The following PPFIBP1 variants were observed in gnomAD, a reference collection of about 807,000 sequenced individuals.
The protein encoded by PPFIBP1 is PPFIB scaffold protein 1.
PPFIBP1 carries 112 observed loss-of-function variants against 137.8 expected under a neutral mutation model. The ratio of observed to expected loss-of-function variants is 0.81; its 90% confidence interval spans 0.70 to 0.95. PPFIBP1 has a LOEUF of 0.95. Ranked by LOEUF, PPFIBP1 falls within the 40% of genes least tolerant of loss-of-function variation. The pLI is 0.00. For synonymous variants in PPFIBP1, 378 were observed against 417.3 expected (o/e 0.91, Z 1.15); for missense variants, 1,083 against 1,196.6 (o/e 0.91, Z 1.40).
At chr12:27,581,140 T>C (rs2061723) in intron 2 of PPFIBP1, among the ~76,000 whole-genome samples, 118,835 of 152,034 alleles carry the variant, frequency 0.78, 46,968 homozygotes, top group Middle Eastern at 0.91. Flanking sequence ...AGTGATCTTC[T>C]CACCTTGGCC....
At chr12:27,624,629 G>A (rs2056647510) in intron 2 of PPFIBP1, among the ~76,000 whole-genome samples, 1 of 152,068 alleles carries the variant, frequency 6.6e-6, no homozygotes. Flanking sequence ...GTATTTTGTG[G>A]CGTTTCATTT....
chr12:27,567,184 G>A (rs58693985), intron 1 of PPFIBP1, among the ~76,000 whole-genome samples: 2,497 of 152,298 alleles, frequency 0.016, 67 homozygotes, highest in African/African-American at 0.057. Flanking sequence ...ACCATGGGGT[G>A]CTCTACAGGC....
chr12:27,682,727 TG>T (rs1566010472), intron 24 of PPFIBP1, 24 bp downstream of exon 24: 1 of 1,612,516 alleles, frequency 6.2e-7, no homozygotes, highest in East Asian at 2.2e-5. Flanking sequence ...TCCTGGGGTT[TG>T]GGGGAGGAAA....
At chr12:27,618,787 G>A (rs2056043878) in intron 2 of PPFIBP1, among the ~76,000 whole-genome samples, 1 of 152,334 alleles carries the variant, frequency 6.6e-6, no homozygotes, top group Middle Eastern at 3.4e-3. Flanking sequence ...GTTTGGCTCA[G>A]AATAAATCTC....
At chr12:27,671,901 G>A (rs532711809) in intron 14 of PPFIBP1, among the ~76,000 whole-genome samples, 9 of 152,080 alleles carry the variant, frequency 5.9e-5, no homozygotes, top group African/African-American at 1.7e-4. Flanking sequence ...GCGAAATCCC[G>A]TCTTTACTGA....
intron 1 of PPFIBP1, among the ~76,000 whole-genome samples, chr12:27,527,894 T>G (rs1197624482): frequency 6.6e-6 from 1 of 152,110 alleles, no homozygotes; most frequent in East Asian, 1.9e-4. Flanking sequence ...AATATGCGAG[T>G]CAAAGCTGTT....
chr12:27,591,083 TA>T (rs1291545542), intron 2 of PPFIBP1, among the ~76,000 whole-genome samples: 1 of 151,814 alleles, frequency 6.6e-6, no homozygotes, highest in African/African-American at 2.4e-5. Context: ...CAATTGAGCC[TA>T]AAGATCAAGA....
chr12:27,551,011 C>T (rs965594537), intron 1 of PPFIBP1, among the ~76,000 whole-genome samples: 4 of 140,926 alleles, frequency 2.8e-5, no homozygotes, highest in South Asian at 2.2e-4. Context: ...TTTTAACAAA[C>T]GTGAAAACTG....
chr12:27,666,931 T>C (rs2059893647), intron 12 of PPFIBP1, among the ~76,000 whole-genome samples: 1 of 152,162 alleles, frequency 6.6e-6, no homozygotes, highest in South Asian at 2.1e-4. Flanking sequence ...GAGTATGACT[T>C]TGTCTGTTAA....
chr12:27,542,470 C>T (rs1945773492), intron 1 of PPFIBP1, among the ~76,000 whole-genome samples: 1 of 152,192 alleles, frequency 6.6e-6, no homozygotes, highest in South Asian at 2.1e-4. Flanking sequence ...GCCAAAACAG[C>T]AATTAATTTT....
chr12:27,618,040 T>C (rs1414251677), intron 2 of PPFIBP1, among the ~76,000 whole-genome samples: 1 of 152,214 alleles, frequency 6.6e-6, no homozygotes, highest in Non-Finnish European at 1.5e-5. Context: ...GTCAGAACTT[T>C]TATTGAAATG....
At chr12:27,594,414 G>A (rs1439570631) in intron 2 of PPFIBP1, among the ~76,000 whole-genome samples, 2 of 152,126 alleles carry the variant, frequency 1.3e-5, no homozygotes, top group Admixed American at 6.5e-5. Context: ...CTCACCTCAG[G>A]TGATCCACCC....
At chr12:27,589,165 G>A (rs1191499969) in intron 2 of PPFIBP1, among the ~76,000 whole-genome samples, 1 of 152,176 alleles carries the variant, frequency 6.6e-6, no homozygotes, top group Non-Finnish European at 1.5e-5. Context: ...TATATAATGA[G>A]GAGACATATT....
chr12:27,647,314 C>T (rs1319245361), intron 5 of PPFIBP1, among the ~76,000 whole-genome samples: 3 of 152,134 alleles, frequency 2.0e-5, no homozygotes, highest in Non-Finnish European at 4.4e-5. Flanking sequence ...CTCCCCCCTA[C>T]CCCTGGCCAG....
intron 4 of PPFIBP1, among the ~76,000 whole-genome samples, chr12:27,639,684 G>A (rs1340788540): frequency 2.0e-5 from 3 of 152,218 alleles, no homozygotes; most frequent in Non-Finnish European, 4.4e-5. Context: ...GTGAAGTGAG[G>A]TGTTCTGGAC....
chr12:27,576,768 A>AGG (rs2050600081), intron 1 of PPFIBP1, among the ~76,000 whole-genome samples: 1 of 152,214 alleles, frequency 6.6e-6, no homozygotes, highest in Non-Finnish European at 1.5e-5. Flanking sequence ...GCTCTTTCAT[A>AGG]AACAGCTCAA....
At chr12:27,614,713 A>C (rs2055557261) in intron 2 of PPFIBP1, among the ~76,000 whole-genome samples, 1 of 152,210 alleles carries the variant, frequency 6.6e-6, no homozygotes, top group East Asian at 1.9e-4. Context: ...CTGCAATGCA[A>C]TAGAGCTTTC....
intron 1 of PPFIBP1, among the ~76,000 whole-genome samples, chr12:27,568,803 G>A (rs1424995146): frequency 6.6e-6 from 1 of 152,176 alleles, no homozygotes; most frequent in East Asian, 1.9e-4. Context: ...TGAACCCAGG[G>A]ATTTTTACTA....
intron 1 of PPFIBP1, among the ~76,000 whole-genome samples, chr12:27,562,988 C>T (rs374565932): frequency 6.6e-6 from 1 of 151,822 alleles, no homozygotes; most frequent in Non-Finnish European, 1.5e-5. Flanking sequence ...TGTCTCCCCA[C>T]GCTGCCTGTC....
Sources: gnomAD v4.1 joint callset for allele counts (sites outside exome capture counted in the v4.1 genomes callset) on GRCh38, gnomAD v4.1.1 for gene constraint, MANE v1.5 for transcripts, NCBI Gene and HGNC (gene_info 2026-07-23, HGNC 2026-07-21) for gene names.